PHKA2: variants seen among roughly 807,000 people sequenced by gnomAD.
PHKA2 encodes phosphorylase b kinase regulatory subunit alpha, liver isoform.
A neutral mutation model predicts 102.0 loss-of-function variants in PHKA2; 31 were observed. The observed-to-expected ratio is 0.30, with a 90% CI of 0.23 to 0.41. PHKA2 has a LOEUF of 0.41. PHKA2 is among the 10% of genes least tolerant of loss of function. The pLI is 1.00. For synonymous variants in PHKA2, 455 were observed against 416.2 expected (o/e 1.09, Z -1.13); for missense variants, 858 against 1,023.1 (o/e 0.84, Z 2.20).
At chrX:18,940,325 A>C (rs1470981651) in intron 8 of PHKA2, among the ~76,000 whole-genome samples, 1 of 111,811 alleles carries the variant, frequency 8.9e-6, no homozygotes, top group Non-Finnish European at 1.9e-5. Flanking sequence ...CTTCATTCTG[A>C]TTTACTGTAT....
Position 18,920,162 on chromosome X carries a change from C to T in PHKA2, c.1833G>A (p.Ser611=), listed in dbSNP as rs149176629. The T allele has an allele frequency of 1.8e-5, 20 of 1,098,669 alleles. No individual in the cohort carries two copies. The African/African-American group carries it at 3.3e-4, about 18-fold the overall frequency. 90.5% of individuals were successfully genotyped at this position (1,098,669 alleles called of 1,213,427 possible). Residue 611 remains serine, a synonymous_variant, in exon 18 of 33, where the codon TCG becomes TCA. Coordinates refer to ENST00000379942, the MANE Select transcript of PHKA2 (RefSeq NM_000292.3). ...LGNLSEFLTT[S]FYTYLTFLDP... ...CCAGAAAAGTCAGATATGTGTAGAA[C>T]GATGTGGTGAGAAATTCCGAAAGGT...
At chrX:18,948,635 C>T (rs1391813990) in intron 5 of PHKA2, 109 bp downstream of exon 5, 2 of 545,966 alleles carry the variant, frequency 3.7e-6, no homozygotes, top group Non-Finnish European at 6.6e-6. Flanking sequence ...GCGCTAGTCT[C>T]GCTAACCTTT....
intron 25 of PHKA2, among the ~76,000 whole-genome samples, chrX:18,906,066 A>G (rs2047805550): frequency 8.9e-6 from 1 of 111,829 alleles, no homozygotes; most frequent in African/African-American, 3.3e-5. Flanking sequence ...TATCTGCTTA[A>G]TTCTTAGACA....
chrX:18,893,407 T>G lies in PHKA2; in HGVS notation c.*78A>C. On this transcript the variant is annotated 3_prime_UTR_variant, in exon 33 of 33. Transcript: ENST00000379942. The stretch of plus-strand genomic sequence containing the variant: ...TGCTTTCCTGATAGCACAGGGGATC[T>G]TGGGGGACAGAAGGTTCCCAGTAAG... 1 of 1,012,660 alleles carries G rather than the reference T, an allele frequency of 9.9e-7. No individual in the cohort carries two copies. The highest frequency in any genetic ancestry group is 1.4e-6 in the Non-Finnish European group (1 of 715,613). 83.5% of individuals were successfully genotyped at this position (1,012,660 alleles called of 1,213,427 possible). A position where few individuals can be genotyped will look rare whatever the true frequency, so the allele number is the denominator to read the frequency against.
At chrX:18,894,962 A>C (rs1318021713) in intron 31 of PHKA2, 176 bp downstream of exon 31, 8 of 521,302 alleles carry the variant, frequency 1.5e-5, no homozygotes, top group Non-Finnish European at 2.8e-5. Flanking sequence ...ATGCCAATAA[A>C]TGCTGGAAAG....
chrX:18,978,158 A>AAAT (rs746132285), intron 1 of PHKA2, among the ~76,000 whole-genome samples: 18 of 110,015 alleles, frequency 1.6e-4, no homozygotes, highest in South Asian at 1.6e-3. Context: ...CTCTGTCTCA[A>AAAT]AATAATAATA....
chrX:18,924,621 G>T, intron 15 of PHKA2, 96 bp from the exon 16 acceptor site: 3 of 862,276 alleles, frequency 3.5e-6, no homozygotes, highest in South Asian at 2.0e-5. Flanking sequence ...GGGTTTTATT[G>T]CCAGGCAAGA....
intron 31 of PHKA2, chrX:18,894,865 C>T (rs907324501): frequency 4.7e-6 from 2 of 422,533 alleles, no homozygotes; most frequent in Non-Finnish European, 8.3e-6. Context: ...TGGCTCCTTT[C>T]TTTCACCAGG....
At chrX:18,902,395 C>A (rs2047705893) in intron 26 of PHKA2, among the ~76,000 whole-genome samples, 1 of 109,840 alleles carries the variant, frequency 9.1e-6, no homozygotes, top group African/African-American at 3.3e-5. Context: ...CCTCAGCCTC[C>A]CAAAGTGCTG....
intron 17 of PHKA2, among the ~76,000 whole-genome samples, chrX:18,923,047 C>CA (rs1556001833): frequency 1.2e-5 from 1 of 82,534 alleles, no homozygotes; most frequent in Non-Finnish European, 2.3e-5. Flanking sequence ...TGAGATTCTC[C>CA]TTTTTTTTTT....
intron 29 of PHKA2, among the ~76,000 whole-genome samples, chrX:18,898,349 C>T (rs1337895349): frequency 2.7e-5 from 3 of 113,068 alleles, no homozygotes; most frequent in African/African-American, 9.6e-5. Context: ...CATCCCCTCC[C>T]TGCGGCAAAG....
In PHKA2 at chrX:18,941,652, T is replaced by C. The variant is rs1323185502; in HGVS notation, c.741A>G (p.Pro247=). The C allele has an allele frequency of 7.7e-6, 9 of 1,171,241 alleles. No individual in the cohort carries two copies. Among genetic ancestry groups the C allele is most frequent in the Non-Finnish European group, 1.0e-5 (9 of 857,890 alleles). Residue 247 remains proline, a synonymous_variant, in exon 8 of 33, where the codon CCA becomes CCG. Coordinates refer to ENST00000379942, the MANE Select transcript of PHKA2 (RefSeq NM_000292.3). ...CAATTTCTTTAGATGTCGACGCTCT[T>C]GGCAGCATGGAGAACAGAATAGACT... The part of the protein sequence containing the change: ...HCQSILFSML[P]RASTSKEIDA...
chrX:18,930,304 T>C (rs2048290723), intron 12 of PHKA2, among the ~76,000 whole-genome samples: 1 of 111,347 alleles, frequency 9.0e-6, no homozygotes. Flanking sequence ...CCAAGGGAAG[T>C]GGCTGAGTGG....
intron 12 of PHKA2, among the ~76,000 whole-genome samples, chrX:18,931,195 A>G (rs193122545): frequency 6.2e-5 from 7 of 112,472 alleles, no homozygotes; most frequent in Middle Eastern, 4.6e-3. Flanking sequence ...TTCACCAGAG[A>G]AAATCCGGCC....
chrX:18,946,448 C>T (rs1470326946), intron 5 of PHKA2, among the ~76,000 whole-genome samples: 1 of 111,263 alleles, frequency 9.0e-6, no homozygotes, highest in African/African-American at 3.3e-5. Flanking sequence ...TCTAAAATGA[C>T]AAGTGGTGTA....
At chrX:18,922,552 G>T (rs1349121227) in intron 17 of PHKA2, among the ~76,000 whole-genome samples, 1 of 111,617 alleles carries the variant, frequency 9.0e-6, no homozygotes, top group African/African-American at 3.3e-5. Flanking sequence ...CTCAAGGCCA[G>T]GGTTAGAAAT....
chrX:18,959,074 T>A (rs2048827888), intron 1 of PHKA2, among the ~76,000 whole-genome samples: 1 of 112,037 alleles, frequency 8.9e-6, no homozygotes, highest in Non-Finnish European at 1.9e-5. Flanking sequence ...ACCTTCCATG[T>A]ATTGTGTTTA....
In PHKA2 at chrX:18,919,599, G is replaced by A. The variant is rs769549735; in HGVS notation, c.1963+433C>T. On this transcript the variant is annotated intron_variant, in intron 18 of 32. Coordinates refer to ENST00000379942, the MANE Select transcript of PHKA2 (RefSeq NM_000292.3). ...GCTTCCCTGTAGGCCTATAGTCTTA[G>A]CCACTTGGGAGGCTGAGGTGGGAGG... Among the ~76,000 whole-genome samples, 3 of 109,265 alleles carry A rather than the reference G, an allele frequency of 2.7e-5. No homozygotes were observed. The East Asian group carries it at 8.7e-4, about 32-fold the overall frequency. 94.9% of individuals were successfully genotyped at this position (109,265 alleles called of 115,157 possible). A position where few individuals can be genotyped will look rare whatever the true frequency, so the allele number is the denominator to read the frequency against.
rs758009004 is a variant in PHKA2 at position 18,897,619 on chromosome X, C to T, written c.3112-286G>A. On this transcript the variant is annotated intron_variant, in intron 29 of 32. Transcript: ENST00000379942. ...AGGAGGAGGCCGAACAGGGCGAGCA[C>T]GGGCTTGGGGGTCAGACTGCCGGAG... 21 of 356,694 alleles carry T rather than the reference C, an allele frequency of 5.9e-5. No homozygotes were observed. The East Asian group carries it at 7.4e-4, about 13-fold the overall frequency. The allele number at this position is 356,694 out of a possible 1,213,427, so 29.4% of individuals were successfully genotyped here.
Sources: gnomAD v4.1 joint callset for allele counts (sites outside exome capture counted in the v4.1 genomes callset) on GRCh38, gnomAD v4.1.1 for gene constraint, MANE v1.5 for transcripts, NCBI Gene and HGNC (gene_info 2026-07-23, HGNC 2026-07-21) for gene names.